Variants in NAV2 observed in about 807,000 individuals in gnomAD.
The protein encoded by NAV2 is neuron navigator 2, also known as helicase, APC down-regulated 1.
Under a neutral mutation model 223.2 loss-of-function variants are expected in NAV2, and 54 were observed. The ratio of observed to expected loss-of-function variants is 0.24; its 90% confidence interval spans 0.19 to 0.30. NAV2 has a LOEUF of 0.30. NAV2 is among the 10% of genes least tolerant of loss of function. The probability of loss-of-function intolerance (pLI) is 1.00; values close to 1 mark genes in which losing one functional copy is unlikely to be tolerated. For synonymous variants in NAV2, 1,279 were observed against 1,239.3 expected (o/e 1.03, Z -0.67); for missense variants, 2,806 against 3,147.5 (o/e 0.89, Z 2.60).
chr11:19,782,246 G>T (rs1264603138), intron 1 of NAV2, among the ~76,000 whole-genome samples: 1 of 152,212 alleles, frequency 6.6e-6, no homozygotes, highest in Non-Finnish European at 1.5e-5. Context: ...AGCCCTCATA[G>T]CCTTGATGTA....
chr11:19,689,217 C>T (rs949393127), intron 1 of NAV2, among the ~76,000 whole-genome samples: 4 of 152,232 alleles, frequency 2.6e-5, no homozygotes, highest in Non-Finnish European at 4.4e-5. Flanking sequence ...AGCCAAGCCT[C>T]AGCCAGTCCC....
intron 2 of NAV2, 50 bp downstream of exon 2, chr11:19,832,651 CA>C: frequency 1.4e-6 from 2 of 1,460,944 alleles, no homozygotes; most frequent in Non-Finnish European, 9.6e-7. Flanking sequence ...GGAGCCATCT[CA>C]AAAGGCCGGG....
At chr11:19,662,210 A>G (rs1432259910) in intron 1 of NAV2, among the ~76,000 whole-genome samples, 1 of 152,236 alleles carries the variant, frequency 6.6e-6, no homozygotes, top group Non-Finnish European at 1.5e-5. Flanking sequence ...GGTGAAAAGA[A>G]TATGAGACTT....
intron 1 of NAV2, among the ~76,000 whole-genome samples, chr11:19,386,710 A>G (rs1295262620): frequency 1.3e-5 from 2 of 152,198 alleles, no homozygotes; most frequent in Middle Eastern, 3.2e-3. Context: ...GTGAGTTGGC[A>G]TAACTAAAGT....
rs117525438 is a variant in NAV2, at chr11:19,687,461, C to T, written c.76-145023C>T. Among the ~76,000 whole-genome samples, 1,276 of 152,298 alleles carry T rather than the reference C, an allele frequency of 8.4e-3. 9 individuals carry two copies. The highest frequency in any genetic ancestry group is 0.017 in the Middle Eastern group (5 of 294). On this transcript the variant is annotated intron_variant, in intron 1 of 37. Transcript: ENST00000360655. ...TCTCAAAGTGAACACACCTGTGTAA[C>T]CACCATCCAGGTCAAGACATAGAAC...
chr11:19,675,653 C>A (rs571587592), intron 1 of NAV2, among the ~76,000 whole-genome samples: 1 of 152,260 alleles, frequency 6.6e-6, no homozygotes, highest in Admixed American at 6.5e-5. Context: ...TCCTTCTATG[C>A]GCCAATAAAT....
intron 20 of NAV2, among the ~76,000 whole-genome samples, chr11:20,064,950 C>T (rs2153631153): frequency 6.6e-6 from 1 of 152,266 alleles, no homozygotes; most frequent in Non-Finnish European, 1.5e-5. Flanking sequence ...CAATCTCTGA[C>T]ATTCCATGAG....
chr11:19,588,807 T>A (rs1365004324), intron 1 of NAV2, among the ~76,000 whole-genome samples: 1 of 152,208 alleles, frequency 6.6e-6, no homozygotes, highest in Non-Finnish European at 1.5e-5. Flanking sequence ...TGGGGTGTGA[T>A]GTGGTTTGGA....
intron 1 of NAV2, among the ~76,000 whole-genome samples, chr11:19,530,523 T>C (rs2043998314): frequency 6.6e-6 from 1 of 152,188 alleles, no homozygotes; most frequent in Non-Finnish European, 1.5e-5. Context: ...AGGGGTTAAA[T>C]GGCATGCCCA....
chr11:19,349,365 C>T (rs567955730), upstream of NAV2, among the ~76,000 whole-genome samples: 1 of 152,332 alleles, frequency 6.6e-6, no homozygotes, highest in South Asian at 2.1e-4. Flanking sequence ...CCCTCTGTGG[C>T]CGAGTCTCAT....
intron 12 of NAV2, among the ~76,000 whole-genome samples, chr11:20,036,979 T>A (rs10766619): frequency 0.46 from 69,745 of 152,024 alleles, 16,878 homozygotes; most frequent in African/African-American, 0.6. Flanking sequence ...TCCTTCATGA[T>A]TGGCAAGGGA....
At position 19,489,241 on chromosome 11, in the gene NAV2, G is replaced by T. The variant is rs547576281; in HGVS notation, c.75+138214G>T. 6.6e-5 allele frequency among the ~76,000 whole-genome samples: 10 copies of T among 152,278 alleles called. No homozygotes were observed. In the South Asian group the frequency reaches 8.3e-4, roughly 13 times the overall value. On this transcript the variant is annotated intron_variant, in intron 1 of 37. Transcript: ENST00000360655. The stretch of plus-strand genomic sequence containing the variant: ...AAGGGTCTACACCTTAATTGAAGCC[G>T]CATCTGCAAATAATTCAAACCCTGA...
intron 1 of NAV2, among the ~76,000 whole-genome samples, chr11:19,657,784 T>A (rs1252303962): frequency 6.6e-6 from 1 of 151,994 alleles, no homozygotes. Context: ...GAGCTCAGTC[T>A]TGAGAGGATG....
chr11:19,489,044 C>T (rs2042537794), intron 1 of NAV2, among the ~76,000 whole-genome samples: 1 of 152,216 alleles, frequency 6.6e-6, no homozygotes, highest in Non-Finnish European at 1.5e-5. Flanking sequence ...CAATCCTGGC[C>T]TGGGCCCAGA....
chr11:20,086,842 C>A lies in NAV2; in HGVS notation c.5498+3663C>A, dbSNP rs528397361. 8.8e-4 allele frequency among the ~76,000 whole-genome samples: 134 copies of A among 152,152 alleles called. 1 individual carries two copies. In the Middle Eastern group the frequency reaches 0.017, roughly 19 times the overall value. On this transcript the variant is annotated intron_variant, in intron 26 of 37. Transcript: ENST00000349880. ...GATGAGTGGGAGACACAGAGGGGGG[C>A]AGAGTGGGGAGTCGGAGCACTACTT...
At chr11:20,059,317 AT>A (rs370785584) in intron 19 of NAV2, among the ~76,000 whole-genome samples, 91 of 152,244 alleles carry the variant, frequency 6.0e-4, no homozygotes, top group African/African-American at 2.1e-3. Flanking sequence ...TCACTTAACC[AT>A]TCTGAGATGT....
intron 36 of NAV2, among the ~76,000 whole-genome samples, chr11:20,110,427 G>A (rs935740567): frequency 2.6e-5 from 4 of 152,156 alleles, no homozygotes; most frequent in African/African-American, 9.7e-5. Flanking sequence ...TACTTGACAG[G>A]CACCATTAGG....
chr11:19,799,091 T>C (rs182874057), intron 1 of NAV2, among the ~76,000 whole-genome samples: 1 of 152,096 alleles, frequency 6.6e-6, no homozygotes, highest in Non-Finnish European at 1.5e-5. Flanking sequence ...TAGGATGATA[T>C]TGAAAGTCCT....
intron 11 of NAV2, among the ~76,000 whole-genome samples, chr11:20,003,596 T>C: frequency 6.6e-6 from 1 of 152,132 alleles, no homozygotes; most frequent in East Asian, 1.9e-4. Context: ...ATCTCTAAGT[T>C]AGTTCTACTT....
Sources: allele counts gnomAD v4.1 joint callset (sites outside exome capture counted in the v4.1 genomes callset), GRCh38; gene constraint gnomAD v4.1.1; transcripts MANE v1.5; gene names NCBI Gene and HGNC (gene_info 2026-07-23, HGNC 2026-07-21).